The following SH3RF3 variants were observed in gnomAD, a reference collection of about 807,000 sequenced individuals.
SH3RF3 encodes E3 ubiquitin-protein ligase SH3RF3.
SH3RF3 carries 29 observed loss-of-function variants against 66.3 expected under a neutral mutation model. The observed-to-expected ratio is 0.44, with a 90% confidence interval of 0.33 to 0.60. The LOEUF is 0.60. SH3RF3 is among the 20% of genes least tolerant of loss of function. SH3RF3 has a pLI of 0.04. For missense variants in SH3RF3, 1,194 were observed against 1,190.9 expected, an observed-to-expected ratio of 1.00 and a Z score of -0.04; for synonymous variants, 583 against 532.0, an observed-to-expected ratio of 1.10 and a Z score of -1.32.
chr2:109,147,913 G>T (rs1677137142), intron 1 of SH3RF3, among the ~76,000 whole-genome samples: 1 of 152,102 alleles, frequency 6.6e-6, no homozygotes, highest in Non-Finnish European at 1.5e-5. Flanking sequence ...TTATTGATTG[G>T]CAGTTCATCT....
chr2:109,422,827 T>A (rs1676918183), intron 5 of SH3RF3, among the ~76,000 whole-genome samples: 1 of 152,096 alleles, frequency 6.6e-6, no homozygotes, highest in Admixed American at 6.5e-5. Flanking sequence ...CACTGCCTGA[T>A]GTGAAGGACC....
intron 1 of SH3RF3, among the ~76,000 whole-genome samples, chr2:109,287,055 T>G (rs1218784678): frequency 2.0e-5 from 3 of 152,198 alleles, no homozygotes; most frequent in Non-Finnish European, 2.9e-5. Flanking sequence ...CTTTCTGATT[T>G]GCATCCATGC....
chr2:109,208,068 C>T (rs773258156), intron 1 of SH3RF3, among the ~76,000 whole-genome samples: 14 of 152,094 alleles, frequency 9.2e-5, no homozygotes, highest in Admixed American at 2.0e-4. Context: ...CAAATATTTA[C>T]GGAATGCCTG....
chr2:109,172,808 A>C (rs889995492), intron 1 of SH3RF3, among the ~76,000 whole-genome samples: 2 of 152,254 alleles, frequency 1.3e-5, no homozygotes, highest in Non-Finnish European at 2.9e-5. Context: ...TAAGTTTCCC[A>C]GTGCCAGCAC....
Position 109,342,903 on chromosome 2 carries a change from T to C in SH3RF3, c.574-4771T>C, listed in dbSNP as rs557650421. ...AATGCCTTGCAGGGGTGGCTGATGT[T>C]AATTGTCCTGTAGGCATCCCAGATG... On this transcript the variant is annotated intron_variant, in intron 1 of 9. Coordinates refer to ENST00000309415, the MANE Select transcript of SH3RF3 (RefSeq NM_001099289.3). 7.9e-5 allele frequency among the ~76,000 whole-genome samples: 12 copies of C among 152,354 alleles called. No homozygotes were observed. The South Asian group carries it at 2.5e-3, about 32-fold the overall frequency.
At chr2:109,267,340 A>G (rs1277371802) in intron 1 of SH3RF3, among the ~76,000 whole-genome samples, 3 of 152,190 alleles carry the variant, frequency 2.0e-5, no homozygotes, top group Non-Finnish European at 4.4e-5. Flanking sequence ...CCAGGGGAAG[A>G]AAACCCAAAA....
Position 109,309,678 on chromosome 2 carries a change from C to CA in SH3RF3, c.574-37989dup, listed in dbSNP as rs1681681880. The stretch of plus-strand genomic sequence containing the variant: ...GAAGATCTACCAAGCAAATGGAAAA[C>CA]AAAAAAAGGCAGGGAGTCTCTGATA... On this transcript the variant is annotated intron_variant, in intron 1 of 9. Transcript: ENST00000309415. Among the ~76,000 whole-genome samples, 2 of 126,930 alleles carry CA rather than the reference C, an allele frequency of 1.6e-5. 1 individual carries two copies. Among genetic ancestry groups the CA allele is most frequent in the South Asian group, 4.9e-4 (2 of 4,042 alleles). 83.3% of individuals were successfully genotyped at this position (126,930 alleles called of 152,430 possible).
chr2:109,196,308 T>TC (rs1329776300), intron 1 of SH3RF3, among the ~76,000 whole-genome samples: 4 of 152,174 alleles, frequency 2.6e-5, no homozygotes, highest in Non-Finnish European at 5.9e-5. Context: ...CCTGGATTGG[T>TC]GTAGCTCCCC....
Position 109,204,576 on chromosome 2 carries a change from G to A in SH3RF3, c.573+74463G>A, listed in dbSNP as rs373043030. On this transcript the variant is annotated intron_variant, in intron 1 of 9. Transcript: ENST00000309415. ...CACATAAATGGGTGTGTTCAGCAGC[G>A]TCCCTGGCCTCCATCCTCCAGGTGC... is the stretch of plus-strand genomic sequence containing the variant. 7.0e-4 allele frequency among the ~76,000 whole-genome samples: 107 copies of A among 152,266 alleles called. 2 individuals are homozygous for A. The South Asian group carries it at 0.019, about 27-fold the overall frequency.
chr2:109,145,784 G>T (rs975178696), intron 1 of SH3RF3, among the ~76,000 whole-genome samples: 2 of 152,210 alleles, frequency 1.3e-5, no homozygotes, highest in Non-Finnish European at 1.5e-5. Flanking sequence ...GTATTGGTTT[G>T]TTGGTTGGCA....
chr2:109,398,547 AC>A, intron 3 of SH3RF3, 42 bp from the exon 4 acceptor site: 1 of 1,488,924 alleles, frequency 6.7e-7, no homozygotes, highest in Non-Finnish European at 9.0e-7. Context: ...GTGGCATGTG[AC>A]CATGATTTAA....
In SH3RF3 at chr2:109,492,973, C is replaced by A. The variant is rs946181523; in HGVS notation, c.2480+2037C>A. Among the ~76,000 whole-genome samples, 14 of 147,854 alleles carry A rather than the reference C, an allele frequency of 9.5e-5. 1 individual carries two copies. In the East Asian group the frequency reaches 1.5e-3, roughly 16 times the overall value. On this transcript the variant is annotated intron_variant, in intron 9 of 9. Transcript: ENST00000309415. ...TACAGGGCCCCAGGCCCTTGGGGGACTGGGTTCACACTGCACACCACACTG... is the reference window on the plus strand; with the variant it reads ...TACAGGGCCCCAGGCCCTTGGGGGAATGGGTTCACACTGCACACCACACTG...
chr2:109,229,366 C>T (rs1411638077), intron 1 of SH3RF3, among the ~76,000 whole-genome samples: 1 of 152,210 alleles, frequency 6.6e-6, no homozygotes, highest in African/African-American at 2.4e-5. Flanking sequence ...GATAGTTCTC[C>T]ATTTGCAAAG....
intron 1 of SH3RF3, among the ~76,000 whole-genome samples, chr2:109,272,795 C>T (rs949598269): frequency 2.6e-5 from 4 of 152,198 alleles, no homozygotes; most frequent in African/African-American, 4.8e-5. Flanking sequence ...AAACAGCCCC[C>T]GGTACTGCCG....
At chr2:109,264,688 G>T (rs577652442) in intron 1 of SH3RF3, among the ~76,000 whole-genome samples, 1 of 152,210 alleles carries the variant, frequency 6.6e-6, no homozygotes, top group African/African-American at 2.4e-5. Context: ...GAGCCCAGTG[G>T]ATGCTAGATG....
At chr2:109,297,931 T>TC (rs201657769) in intron 1 of SH3RF3, among the ~76,000 whole-genome samples, 68 of 149,234 alleles carry the variant, frequency 4.6e-4, no homozygotes, top group African/African-American at 6.9e-4. Flanking sequence ...AGATGTGTGT[T>TC]CCCCCCCCAC....
intron 8 of SH3RF3, among the ~76,000 whole-genome samples, chr2:109,473,087 T>C (rs1474830388): frequency 2.6e-5 from 4 of 152,230 alleles, no homozygotes; most frequent in African/African-American, 9.6e-5. Context: ...GTCCCAAGAA[T>C]CTAAAGAGAA....
intron 5 of SH3RF3, among the ~76,000 whole-genome samples, chr2:109,421,661 C>T (rs1486128542): frequency 1.3e-5 from 2 of 152,176 alleles, no homozygotes; most frequent in Non-Finnish European, 2.9e-5. Flanking sequence ...GGCTTCTCCC[C>T]CAGGGGAGGG....
chr2:109,154,500 C>T (rs1288134032), intron 1 of SH3RF3, among the ~76,000 whole-genome samples: 2 of 152,328 alleles, frequency 1.3e-5, no homozygotes, highest in African/African-American at 4.8e-5. Flanking sequence ...CTCGAGGCTT[C>T]CTCAGCTGGC....
Sources: allele counts gnomAD v4.1 joint callset (sites outside exome capture counted in the v4.1 genomes callset), GRCh38; gene constraint gnomAD v4.1.1; transcripts MANE v1.5; gene names NCBI Gene and HGNC (gene_info 2026-07-23, HGNC 2026-07-21).